Variants in HOOK3 observed in about 807,000 individuals in gnomAD.
The protein encoded by HOOK3 is hook microtubule tethering protein 3.
Under a neutral mutation model 116.3 loss-of-function variants are expected in HOOK3, and 24 were observed. The ratio of observed to expected loss-of-function variants is 0.21; its 90% CI spans 0.15 to 0.29. HOOK3 has a LOEUF of 0.29. Ranked by LOEUF, HOOK3 falls within the 10% of genes least tolerant of loss-of-function variation. The probability of loss-of-function intolerance (pLI) is 1.00; values close to 1 mark genes in which losing one functional copy is unlikely to be tolerated. For missense variants in HOOK3, 632 were observed against 830.2 expected (o/e 0.76, Z 2.93); for synonymous variants, 275 against 283.0 (o/e 0.97, Z 0.28).
At chr8:42,945,815 T>A (rs1808214842) in intron 5 of HOOK3, among the ~76,000 whole-genome samples, 1 of 152,332 alleles carries the variant, frequency 6.6e-6, no homozygotes. Context: ...AATTTACAGC[T>A]TTTGTTAGTT....
At chr8:42,900,009 G>T (rs1361994309) in intron 1 of HOOK3, among the ~76,000 whole-genome samples, 1 of 152,286 alleles carries the variant, frequency 6.6e-6, no homozygotes, top group Non-Finnish European at 1.5e-5. Flanking sequence ...AGTACTTAAA[G>T]GGATGATTCT....
chr8:43,012,523 T>C (rs959213865), intron 19 of HOOK3, among the ~76,000 whole-genome samples: 1 of 152,212 alleles, frequency 6.6e-6, no homozygotes, highest in East Asian at 1.9e-4. Flanking sequence ...AAGTAAAAAG[T>C]TTTATGTTTG....
At chr8:42,997,430 C>A in intron 15 of HOOK3, 120 bp from the exon 16 acceptor site, 1 of 627,876 alleles carries the variant, frequency 1.6e-6, no homozygotes, top group Non-Finnish European at 2.8e-6. Flanking sequence ...TACTATACTA[C>A]TACTGCTATA....
chr8:42,997,574 A>G lies in HOOK3; in HGVS notation c.1557A>G (p.Glu519=). The change falls in exon 16 of 22, where the codon GAA becomes GAG. Residue 519 remains glutamate, a synonymous_variant. Coordinates refer to ENST00000307602, the MANE Select transcript of HOOK3 (RefSeq NM_032410.4). The part of the protein sequence containing the change: ...ENRLVNQRLL[E]VQSQVEELQK... ...GGCTGGTGAATCAAAGACTTCTGGA[A>G]GTACAGTCACAAGTTGAAGAATTAC... is the stretch of plus-strand genomic sequence containing the variant. 1 of 1,609,696 alleles carries G rather than the reference A, an allele frequency of 6.2e-7. No individual in the cohort carries two copies. Among genetic ancestry groups the G allele is most frequent in the Non-Finnish European group, 8.5e-7 (1 of 1,177,296 alleles).
At chr8:42,922,983 TAAAAC>T (rs976716853) in intron 2 of HOOK3, among the ~76,000 whole-genome samples, 12 of 151,906 alleles carry the variant, frequency 7.9e-5, no homozygotes, top group African/African-American at 2.7e-4. Context: ...TCCTGAATAT[TAAAAC>T]AAAATACCAA....
At chr8:42,956,960 G>A (rs1368413859) in intron 6 of HOOK3, 134 bp from the exon 7 acceptor site, 6 of 456,990 alleles carry the variant, frequency 1.3e-5, no homozygotes, top group Non-Finnish European at 7.7e-6. Flanking sequence ...TTAATGCAAA[G>A]TGTTTTACAT....
At position 42,936,599 on chromosome 8, in the gene HOOK3, AG is replaced by A. The variant is rs559048828; in HGVS notation, c.267+6431del. ...AGTTTATTGAGAGTTTTTAGCATGA[AG>A]GGGTGTTGAATTTTATCGAAGGCCT... On this transcript the variant is annotated intron_variant, in intron 4 of 21. Coordinates refer to ENST00000307602, the MANE Select transcript of HOOK3 (RefSeq NM_032410.4). Among the ~76,000 whole-genome samples, 310 of 152,288 alleles carry A rather than the reference AG, an allele frequency of 2.0e-3. 2 individuals carry two copies. Among genetic ancestry groups the A allele is most frequent in the Non-Finnish European group, 2.9e-3 (197 of 68,026 alleles).
chr8:43,007,796 TG>T (rs1444562619), intron 17 of HOOK3, 50 bp from the exon 18 acceptor site: 2 of 1,141,970 alleles, frequency 1.8e-6, no homozygotes, highest in Admixed American at 2.0e-5. Context: ...TAATTTGAAC[TG>T]GAAAAAATTA....
intron 4 of HOOK3, among the ~76,000 whole-genome samples, chr8:42,934,860 A>C: frequency 6.6e-6 from 1 of 152,216 alleles, no homozygotes; most frequent in South Asian, 2.1e-4. Context: ...ACATGTGTGC[A>C]TGTGTCTTTA....
intron 15 of HOOK3, 53 bp downstream of exon 15, chr8:42,986,848 G>T (rs958524536): frequency 6.1e-5 from 96 of 1,570,358 alleles, no homozygotes; most frequent in Non-Finnish European, 8.2e-5. Flanking sequence ...TATTTGCCTT[G>T]ATTCTGAATC....
rs765447480 is a variant in HOOK3, at chr8:42,986,649, A to T, written c.1392-6A>T. On this transcript the variant is annotated splice_region_variant and splice_polypyrimidine_tract_variant and intron_variant, in intron 14 of 21. Transcript: ENST00000307602. Reference sequence around the variant, plus strand: ...ATAATATTTAGTTTTTATTTTGTTCATTCAGGGAGAAACTTATTCGTCTTC... The same window carrying T: ...ATAATATTTAGTTTTTATTTTGTTCTTTCAGGGAGAAACTTATTCGTCTTC... 3.1e-6 allele frequency: 5 copies of T among 1,606,082 alleles called. No individual in the cohort carries two copies. The Admixed American group carries it at 8.6e-5, about 28-fold the overall frequency.
intron 8 of HOOK3, among the ~76,000 whole-genome samples, chr8:42,960,324 C>T (rs1476049346): frequency 6.6e-6 from 1 of 152,080 alleles, no homozygotes; most frequent in African/African-American, 2.4e-5. Context: ...GTCCTTTACA[C>T]CAGAACAGTT....
intron 17 of HOOK3, among the ~76,000 whole-genome samples, chr8:43,004,447 G>A (rs1489620547): frequency 4.0e-5 from 6 of 149,504 alleles, no homozygotes; most frequent in East Asian, 2.0e-4. Flanking sequence ...TTGGGAGGCC[G>A]AGGCAGGTGG....
At chr8:42,921,305 C>T (rs999022536) in intron 2 of HOOK3, among the ~76,000 whole-genome samples, 5 of 152,006 alleles carry the variant, frequency 3.3e-5, no homozygotes, top group Admixed American at 2.0e-4. Context: ...AGCTGCAGGG[C>T]ACCAGATTCA....
rs978063629 is a variant in HOOK3, at chr8:43,019,818, CTT to C, written c.*1325_*1326del. ...ATTTGGTCCCAAATTATATTTAAGT[CTT>C]TTTTCTTGCAACGTAGCCCATTTTT... On this transcript the variant is annotated 3_prime_UTR_variant, in exon 22 of 22. Coordinates refer to ENST00000307602, the MANE Select transcript of HOOK3 (RefSeq NM_032410.4). 4.4e-5 allele frequency: 9 copies of C among 204,038 alleles called. No individual in the cohort carries two copies. Among genetic ancestry groups the C allele is most frequent in the Non-Finnish European group, 8.0e-5 (8 of 99,686 alleles). 12.6% of individuals were successfully genotyped at this position (204,038 alleles called of 1,614,324 possible).
At position 42,910,243 on chromosome 8, in the gene HOOK3, A is replaced by G. The variant is rs112048953; in HGVS notation, c.143+3985A>G. On this transcript the variant is annotated intron_variant, in intron 2 of 21. Coordinates refer to ENST00000307602, the MANE Select transcript of HOOK3 (RefSeq NM_032410.4). ...TTTTTCATGAATTGAAGTAAACAAG[A>G]TCATAATATACATTGTGTTTTGCAA... Among the ~76,000 whole-genome samples, 8 of 152,358 alleles carry G rather than the reference A, an allele frequency of 5.3e-5. No homozygotes were observed. In the East Asian group the frequency reaches 9.6e-4, roughly 18 times the overall value.
Position 43,021,946 on chromosome 8 carries a change from G to C in HOOK3, c.*3448G>C, listed in dbSNP as rs1334517408. On this transcript the variant is annotated 3_prime_UTR_variant, in exon 22 of 22. Transcript: ENST00000307602. ...AGCCTCCCAGAGTGCTGGGATTACA[G>C]GCGTGAGCCACCGCGCCCAGCCTAC... 1 of 176,182 alleles carries C rather than the reference G, an allele frequency of 5.7e-6. No individual in the cohort carries two copies. Among genetic ancestry groups the C allele is most frequent in the Non-Finnish European group, 1.2e-5 (1 of 81,892 alleles). The allele number at this position is 176,182 out of a possible 1,614,324, so 10.9% of individuals were successfully genotyped here.
intron 4 of HOOK3, among the ~76,000 whole-genome samples, chr8:42,936,652 C>T (rs1343022350): frequency 4.0e-5 from 6 of 151,868 alleles, no homozygotes; most frequent in South Asian, 2.1e-4. Context: ...GATAATTGTA[C>T]GGTTTTTGTC....
chr8:43,007,733 A>AT, intron 17 of HOOK3, 114 bp from the exon 18 acceptor site: 3 of 504,628 alleles, frequency 5.9e-6, no homozygotes, highest in Non-Finnish European at 1.1e-5. Flanking sequence ...TATATGTTTC[A>AT]TATCACTTGC....
Sources: gnomAD v4.1 joint callset for allele counts (sites outside exome capture counted in the v4.1 genomes callset) on GRCh38, gnomAD v4.1.1 for gene constraint, MANE v1.5 for transcripts, NCBI Gene and HGNC (gene_info 2026-07-23, HGNC 2026-07-21) for gene names.